The following GALNT2 variants were observed in gnomAD, a reference collection of about 807,000 sequenced individuals.
The protein encoded by GALNT2 is UDP-GalNAc:polypeptide N-acetylgalactosaminyltransferase 2.
Under a neutral mutation model 81.4 loss-of-function variants are expected in GALNT2, and 31 were observed. The observed-to-expected ratio is 0.38, with a 90% CI of 0.29 to 0.51. GALNT2 has a LOEUF of 0.51. Among genes scored for constraint, GALNT2 ranks in the 20% least tolerant of loss-of-function variants. The pLI, the probability that GALNT2 is intolerant of heterozygous loss-of-function variation, is 0.87. For synonymous variants in GALNT2, 303 were observed against 287.4 expected, an observed-to-expected ratio of 1.05 and a Z score of -0.55; for missense variants, 629 against 765.7, an observed-to-expected ratio of 0.82 and a Z score of 2.11.
chr1:230,247,004 C>A (rs1375266067), intron 8 of GALNT2, among the ~76,000 whole-genome samples: 4 of 151,396 alleles, frequency 2.6e-5, no homozygotes, highest in Admixed American at 2.6e-4. Flanking sequence ...TTTGGGGAGG[C>A]TAAGGTGGGA....
chr1:230,114,824 T>A (rs2102793953), intron 1 of GALNT2, among the ~76,000 whole-genome samples: 1 of 152,280 alleles, frequency 6.6e-6, no homozygotes, highest in East Asian at 1.9e-4. Context: ...ATAGGCTTTA[T>A]TTTTTAGAGC....
rs1000497068 is a variant in GALNT2 at position 230,281,828 on chromosome 1, C to A, written c.*2370C>A. On this transcript the variant is annotated 3_prime_UTR_variant, in exon 16 of 16. Transcript: ENST00000366672. ...GTTAGTTTTTAATCATCAGGACTAT[C>A]TCACCCTCCCACTCCTGTTTTTAAA... is the stretch of plus-strand genomic sequence containing the variant. 2.0e-5 allele frequency: 3 copies of A among 152,608 alleles called. No individual in the cohort carries two copies. The highest frequency in any genetic ancestry group is 4.4e-5 in the Non-Finnish European group (3 of 68,040). The allele number at this position is 152,608 out of a possible 1,614,324, so 9.5% of individuals were successfully genotyped here.
chr1:230,258,832 C>A (rs1244497487), intron 11 of GALNT2: 1 of 152,108 alleles, frequency 6.6e-6, no homozygotes, highest in Non-Finnish European at 1.5e-5. Flanking sequence ...TATCAGACGC[C>A]CCACACCAAA....
upstream of GALNT2, among the ~76,000 whole-genome samples, chr1:230,062,844 C>G (rs925077402): frequency 2.6e-5 from 4 of 152,032 alleles, no homozygotes; most frequent in Admixed American, 1.3e-4. Flanking sequence ...CCGTTTGAGT[C>G]GCTGCTTTCA....
chr1:230,113,645 C>A (rs759354931), intron 1 of GALNT2, among the ~76,000 whole-genome samples: 1 of 152,084 alleles, frequency 6.6e-6, no homozygotes, highest in Non-Finnish European at 1.5e-5. Flanking sequence ...CTCAGAGTAT[C>A]TTGGGGCTGA....
At chr1:230,092,191 T>TTTTGTTTTTTTTTG (rs1558280334) in intron 1 of GALNT2, among the ~76,000 whole-genome samples, 3 of 149,406 alleles carry the variant, frequency 2.0e-5, no homozygotes, top group African/African-American at 7.4e-5. Flanking sequence ...TTTTTTTTTT[T>TTTTGTTTTTTTTTG]TTTTTGCACT....
chr1:230,267,918 C>T (rs1292110439), intron 14 of GALNT2, among the ~76,000 whole-genome samples: 5 of 152,178 alleles, frequency 3.3e-5, no homozygotes, highest in Admixed American at 2.0e-4. Context: ...TGATGGAGGG[C>T]GCCGTGCGGT....
intron 1 of GALNT2, among the ~76,000 whole-genome samples, chr1:230,088,430 T>A (rs564954704): frequency 2.6e-5 from 4 of 152,096 alleles, no homozygotes; most frequent in Admixed American, 6.5e-5. Flanking sequence ...GTTTTTTTTT[T>A]AATTCATTTT....
intron 10 of GALNT2, among the ~76,000 whole-genome samples, chr1:230,253,936 A>G (rs1029998542): frequency 1.3e-5 from 2 of 151,966 alleles, no homozygotes; most frequent in Non-Finnish European, 2.9e-5. Flanking sequence ...TTCTGTTCTT[A>G]CTTCACTTAA....
rs1346601250 is a variant in GALNT2, at chr1:230,070,272, C to T, written c.126+2866C>T. On this transcript the variant is annotated intron_variant, in intron 1 of 15. Transcript: ENST00000366672. This position sits in a 1 kb window ranked among gnomAD's most constrained non-coding sequence, Gnocchi z 4.7. ...TTTCCCCCCATATTTTGCTCTTTCC[C>T]CCTAAATTGATGATTTGCACTTCAA... is the stretch of plus-strand genomic sequence containing the variant. Among the ~76,000 whole-genome samples the T allele has an allele frequency of 6.6e-6, 1 of 152,162 alleles. No individual in the cohort carries two copies. The highest frequency in any genetic ancestry group is 2.4e-5 in the African/African-American group (1 of 41,420).
chr1:230,280,954 G>C lies in GALNT2; in HGVS notation c.*1496G>C, dbSNP rs1666422836. 1 of 152,434 alleles carries C rather than the reference G, an allele frequency of 6.6e-6. No individual in the cohort carries two copies. Among genetic ancestry groups the C allele is most frequent in the African/African-American group, 2.4e-5 (1 of 41,416 alleles). 9.4% of individuals were successfully genotyped at this position (152,434 alleles called of 1,614,324 possible). A position where few individuals can be genotyped will look rare whatever the true frequency, so the allele number is the denominator to read the frequency against. On this transcript the variant is annotated 3_prime_UTR_variant, in exon 16 of 16. Transcript: ENST00000366672. The stretch of plus-strand genomic sequence containing the variant: ...CGTCACCCCTGCCACTCTGTGGTCG[G>C]TGCCCTGCTTCCTCCTCCACTCCTG...
At chr1:230,109,693 T>C (rs909596693) in intron 1 of GALNT2, among the ~76,000 whole-genome samples, 2 of 152,154 alleles carry the variant, frequency 1.3e-5, no homozygotes, top group Non-Finnish European at 1.5e-5. Flanking sequence ...CTGGGCGTGG[T>C]GGCAGGTGCC....
At position 230,279,792 on chromosome 1, in the gene GALNT2, G is replaced by A; in HGVS notation, c.*334G>A. On this transcript the variant is annotated 3_prime_UTR_variant, in exon 16 of 16. Transcript: ENST00000366672. This position sits in a 1 kb window ranked among gnomAD's most constrained non-coding sequence, Gnocchi z 4.6. ...CGACTGGGGAGTGGTAGAAGCAACT[G>A]AACGGATGCGTGCGAGCTGAGGACA... The A allele has an allele frequency of 4.0e-6, 2 of 500,912 alleles. No individual in the cohort carries two copies. Among genetic ancestry groups the A allele is most frequent in the South Asian group, 1.6e-5 (1 of 64,196 alleles). 31.0% of individuals were successfully genotyped at this position (500,912 alleles called of 1,614,324 possible).
rs750224385 is a variant in GALNT2 at position 230,279,404 on chromosome 1, G to A, written c.1662G>A (p.Val554=). The A allele has an allele frequency of 2.8e-5, 46 of 1,614,050 alleles. No homozygotes were observed. The highest frequency in any genetic ancestry group is 3.9e-5 in the Non-Finnish European group (46 of 1,180,046). ...AGAGCGGGGGCCTAAGCGTGGAGGTGTGTGGCCCGGCCCTTTCGCAGCAGT... is the reference window on the plus strand; with the variant it reads ...AGAGCGGGGGCCTAAGCGTGGAGGTATGTGGCCCGGCCCTTTCGCAGCAGT... The part of the protein sequence containing the change: ...TAKSGGLSVE[V]CGPALSQQWK... The change falls in exon 16 of 16, where the codon GTG becomes GTA. Residue 554 remains valine, a synonymous_variant. Transcript: ENST00000366672. This position sits in a 1 kb window ranked among gnomAD's most constrained non-coding sequence, Gnocchi z 4.6.
chr1:230,202,712 CTGATGTTACA>C (rs1663928250), intron 2 of GALNT2, among the ~76,000 whole-genome samples: 1 of 152,222 alleles, frequency 6.6e-6, no homozygotes, highest in Non-Finnish European at 1.5e-5. Context: ...TTTGTGTTAC[CTGATGTTACA>C]TGATGGAATA....
intron 2 of GALNT2, among the ~76,000 whole-genome samples, chr1:230,185,301 T>TGCGC (rs58067663): frequency 7.9e-6 from 1 of 126,012 alleles, no homozygotes; most frequent in African/African-American, 2.7e-5. Context: ...TGTGTGTGTG[T>TGCGC]GCGCGCGTGT....
intron 1 of GALNT2, among the ~76,000 whole-genome samples, chr1:230,090,804 G>C (rs1295844814): frequency 6.6e-6 from 1 of 152,228 alleles, no homozygotes; most frequent in East Asian, 1.9e-4. Context: ...TAAAGTAAGA[G>C]AGAGACCCTT....
intron 1 of GALNT2, among the ~76,000 whole-genome samples, chr1:230,177,406 G>A (rs1457994307): frequency 2.0e-5 from 3 of 152,236 alleles, no homozygotes; most frequent in African/African-American, 7.2e-5. Context: ...AGTCTGGTGG[G>A]AAAATTACTA....
Position 230,265,401 on chromosome 1 carries a change from C to T in GALNT2, c.1440+34C>T. 5.6e-6 allele frequency: 9 copies of T among 1,613,712 alleles called. No homozygotes were observed. The South Asian group carries it at 8.8e-5, about 16-fold the overall frequency. ...ATGGGGAAGCCAGGTCACCTGCAGGCCCAGAGAGAGCAGGAGTTGGGGGGG... is the reference window on the plus strand; with the variant it reads ...ATGGGGAAGCCAGGTCACCTGCAGGTCCAGAGAGAGCAGGAGTTGGGGGGG... On this transcript the variant is annotated intron_variant, in intron 14 of 15. Transcript: ENST00000366672.
Sources: allele counts gnomAD v4.1 joint callset (sites outside exome capture counted in the v4.1 genomes callset), GRCh38; gene constraint gnomAD v4.1.1; non-coding constraint Gnocchi (gnomAD v3.1); transcripts MANE v1.5; gene names NCBI Gene and HGNC (gene_info 2026-07-23, HGNC 2026-07-21).